Variants in NUP210L observed in about 807,000 individuals in gnomAD.
NUP210L encodes nucleoporin 210 like.
NUP210L carries 74 observed loss-of-function variants against 208.5 expected under a neutral mutation model. The ratio of observed to expected loss-of-function variants is 0.35; its 90% CI spans 0.29 to 0.43. The LOEUF (loss-of-function observed/expected upper bound fraction) is 0.43. Among genes scored for constraint, NUP210L ranks in the 20% least tolerant of loss-of-function variants. NUP210L has a pLI of 1.00. For missense variants in NUP210L, 1,843 were observed against 2,289.4 expected (o/e 0.81, Z 3.98); for synonymous variants, 780 against 816.9 (o/e 0.95, Z 0.77).
intron 7 of NUP210L, among the ~76,000 whole-genome samples, chr1:154,134,436 T>C (rs1658416343): frequency 6.7e-6 from 1 of 148,886 alleles, no homozygotes; most frequent in African/African-American, 2.5e-5. Flanking sequence ...TTTTTTTTTT[T>C]TTTTTGAGAT....
At chr1:154,125,836 C>T (rs1347380255) in intron 10 of NUP210L, among the ~76,000 whole-genome samples, 1 of 123,134 alleles carries the variant, frequency 8.1e-6, no homozygotes, top group African/African-American at 2.9e-5. Context: ...GGCGGGATCT[C>T]GGCTCACTGC....
chr1:154,111,618 C>CA (rs1657040871), intron 12 of NUP210L, among the ~76,000 whole-genome samples: 1 of 151,392 alleles, frequency 6.6e-6, no homozygotes. Flanking sequence ...AGACTAATAA[C>CA]AAGTAATGAG....
intron 2 of NUP210L, among the ~76,000 whole-genome samples, chr1:154,143,936 C>G (rs144929754): frequency 6.6e-6 from 1 of 152,102 alleles, no homozygotes; most frequent in Non-Finnish European, 1.5e-5. Context: ...AATCCCAGCA[C>G]TTTGGGAGGC....
chr1:154,094,808 C>G, intron 15 of NUP210L, 127 bp downstream of exon 15: 1 of 678,948 alleles, frequency 1.5e-6, no homozygotes, highest in Non-Finnish European at 2.5e-6. Context: ...ATCATTTGAT[C>G]AATAATTAGA....
chr1:154,126,016 C>A (rs1178022705), intron 10 of NUP210L, among the ~76,000 whole-genome samples: 1 of 151,746 alleles, frequency 6.6e-6, no homozygotes. Context: ...GATCCGCCCG[C>A]CTCGGCCTCC....
chr1:154,122,231 GT>G (rs1657649925), intron 10 of NUP210L, among the ~76,000 whole-genome samples: 8 of 3,206 alleles, frequency 2.5e-3, no homozygotes, highest in Admixed American at 0.012. Context: ...CAAATAACAT[GT>G]GAATGGCTGT....
intron 17 of NUP210L, among the ~76,000 whole-genome samples, chr1:154,063,421 T>C (rs530280672): frequency 1.3e-5 from 2 of 152,246 alleles, no homozygotes; most frequent in South Asian, 2.1e-4. Flanking sequence ...ATATAGGATA[T>C]GTGTGGATAG....
chr1:154,046,027 T>A (rs1467717526), intron 27 of NUP210L, 42 bp downstream of exon 27: 1 of 1,542,226 alleles, frequency 6.5e-7, no homozygotes, highest in Non-Finnish European at 8.8e-7. Flanking sequence ...AAATTTAATA[T>A]CAAGATCCCT....
intron 15 of NUP210L, among the ~76,000 whole-genome samples, chr1:154,090,468 A>G (rs1026062610): frequency 6.6e-6 from 1 of 152,170 alleles, no homozygotes; most frequent in African/African-American, 2.4e-5. Flanking sequence ...AACATGATAA[A>G]AGCCTTACCA....
At chr1:153,999,972 A>G (rs940230479) in intron 37 of NUP210L, among the ~76,000 whole-genome samples, 2 of 151,542 alleles carry the variant, frequency 1.3e-5, no homozygotes, top group African/African-American at 4.8e-5. Flanking sequence ...CCACAGGTCC[A>G]TGCCACCATG....
intron 35 of NUP210L, 66 bp downstream of exon 35, chr1:154,009,906 A>C: frequency 7.5e-7 from 1 of 1,327,454 alleles, no homozygotes; most frequent in Admixed American, 2.2e-5. Flanking sequence ...CAATCCAATA[A>C]GAATGGGACA....
chr1:154,008,794 A>T (rs1207340385), intron 35 of NUP210L, among the ~76,000 whole-genome samples: 1 of 152,214 alleles, frequency 6.6e-6, no homozygotes, highest in Non-Finnish European at 1.5e-5. Context: ...GTCAGGTATT[A>T]TAAACAGTTT....
intron 35 of NUP210L, among the ~76,000 whole-genome samples, chr1:154,008,573 GAC>G (rs1003250997): frequency 2.0e-5 from 3 of 152,158 alleles, no homozygotes; most frequent in African/African-American, 7.2e-5. Flanking sequence ...TGGGCGTGGT[GAC>G]ACGCGCCTGT....
chr1:154,142,977 T>C (rs1571324630), intron 3 of NUP210L, among the ~76,000 whole-genome samples: 1 of 150,932 alleles, frequency 6.6e-6, no homozygotes, highest in Non-Finnish European at 1.5e-5. Context: ...TCACCTGAGG[T>C]CAGGAGTTCA....
At chr1:154,148,535 T>C (rs1383593929) in intron 2 of NUP210L, among the ~76,000 whole-genome samples, 1 of 152,098 alleles carries the variant, frequency 6.6e-6, no homozygotes, top group Non-Finnish European at 1.5e-5. Context: ...AAAGGAAACA[T>C]GACAATTTAG....
At chr1:154,113,167 A>ATAT (rs35579455) in intron 12 of NUP210L, among the ~76,000 whole-genome samples, 9,050 of 144,274 alleles carry the variant, frequency 0.063, 318 homozygotes, top group Middle Eastern at 0.094. Context: ...TAAAAAAAAA[A>ATAT]ATATATATAT....
intron 16 of NUP210L, among the ~76,000 whole-genome samples, chr1:154,084,882 GA>G (rs939606499): frequency 2.0e-5 from 3 of 149,716 alleles, no homozygotes; most frequent in African/African-American, 4.9e-5. Context: ...TCAGTAACAG[GA>G]AATCTGGAAT....
intron 7 of NUP210L, among the ~76,000 whole-genome samples, chr1:154,130,903 T>C (rs1327972248): frequency 6.6e-6 from 1 of 152,000 alleles, no homozygotes; most frequent in African/African-American, 2.4e-5. Flanking sequence ...ATCTTCTAAA[T>C]ACTTTATGGT....
exon 31 of NUP210L, chr1:154,023,170 C>G (rs1256871752): frequency 6.2e-7 from 1 of 1,613,916 alleles, no homozygotes; most frequent in African/African-American, 1.3e-5. Flanking sequence ...GAATTTCTCT[C>G]CGATACTATT....
Sources: allele counts gnomAD v4.1 joint callset (sites outside exome capture counted in the v4.1 genomes callset), GRCh38; gene constraint gnomAD v4.1.1; transcripts MANE v1.5; gene names NCBI Gene and HGNC (gene_info 2026-07-23, HGNC 2026-07-21).